GALNT13: variants seen among roughly 807,000 people sequenced by gnomAD.
The protein encoded by GALNT13 is polypeptide N-acetylgalactosaminyltransferase 13, also known as UDP-GalNAc:polypeptide N-acetylgalactosaminyltransferase 13.
In GALNT13, 28 loss-of-function variants were observed where a neutral mutation model predicts 64.2. The ratio of observed to expected loss-of-function variants is 0.44; its 90% confidence interval spans 0.32 to 0.60. GALNT13 has a LOEUF of 0.60. Ranked by LOEUF, GALNT13 falls within the 20% of genes least tolerant of loss-of-function variation. GALNT13 has a pLI of 0.05. For missense variants in GALNT13, 577 were observed against 669.8 expected, an observed-to-expected ratio of 0.86 and a Z score of 1.53; for synonymous variants, 214 against 224.6, an observed-to-expected ratio of 0.95 and a Z score of 0.42.
At chr2:154,045,589 A>C (rs1364053207) in intron 3 of GALNT13, among the ~76,000 whole-genome samples, 1 of 152,156 alleles carries the variant, frequency 6.6e-6, no homozygotes, top group East Asian at 1.9e-4. Flanking sequence ...CTCTGGACGC[A>C]AGTGTTTTTG....
At chr2:153,455,276 G>A in the GALNT13 span, among the ~76,000 whole-genome samples, 3 of 152,210 alleles carry the variant, frequency 2.0e-5, no homozygotes, top group Non-Finnish European at 2.9e-5. Context: ...AAGTATAGGA[G>A]TAAAATCCTT....
chr2:154,447,923 C>G (rs1050261372), intron 12 of GALNT13, among the ~76,000 whole-genome samples: 2 of 152,030 alleles, frequency 1.3e-5, no homozygotes, highest in South Asian at 4.1e-4. Context: ...TTTATTCTCA[C>G]AAGTCTACTG....
chr2:153,777,645 C>A, the GALNT13 span, among the ~76,000 whole-genome samples: 1 of 152,152 alleles, frequency 6.6e-6, no homozygotes, highest in Non-Finnish European at 1.5e-5. Flanking sequence ...GTACCCCTCG[C>A]AGGGTGTGCA....
the GALNT13 span, among the ~76,000 whole-genome samples, chr2:153,751,765 G>GT: frequency 1.3e-4 from 20 of 148,364 alleles, no homozygotes; most frequent in South Asian, 4.3e-4. Context: ...AATGGGTCTT[G>GT]TTTTTTTTTC....
At chr2:153,555,076 C>T in the GALNT13 span, among the ~76,000 whole-genome samples, 1 of 151,714 alleles carries the variant, frequency 6.6e-6, no homozygotes, top group Non-Finnish European at 1.5e-5. Flanking sequence ...AAAAATAATT[C>T]ATTTTATGTT....
chr2:154,094,438 G>A (rs1701976247), intron 3 of GALNT13, among the ~76,000 whole-genome samples: 1 of 151,620 alleles, frequency 6.6e-6, no homozygotes, highest in Admixed American at 6.6e-5. Flanking sequence ...TAACACAATG[G>A]GATATAAAAT....
At chr2:154,369,788 C>A (rs1697577411) in intron 9 of GALNT13, among the ~76,000 whole-genome samples, 1 of 152,142 alleles carries the variant, frequency 6.6e-6, no homozygotes, top group Non-Finnish European at 1.5e-5. Context: ...GCTGAGAAGA[C>A]CAAGATTAAG....
chr2:153,414,478 A>T, the GALNT13 span, among the ~76,000 whole-genome samples: 2 of 138,168 alleles, frequency 1.4e-5, no homozygotes, highest in African/African-American at 5.3e-5. Flanking sequence ...GGATAAAAAG[A>T]TTTTTTTTTT....
chr2:154,045,297 G>T (rs1406238610), intron 3 of GALNT13, among the ~76,000 whole-genome samples: 1 of 152,180 alleles, frequency 6.6e-6, no homozygotes, highest in East Asian at 1.9e-4. Flanking sequence ...GTGAATTGTG[G>T]TTACTGTGGT....
chr2:153,831,682 T>C, the GALNT13 span, among the ~76,000 whole-genome samples: 3 of 152,178 alleles, frequency 2.0e-5, no homozygotes, highest in African/African-American at 7.2e-5. Context: ...CTTAGCAGTG[T>C]TAACTGCGTC....
chr2:154,385,988 A>C (rs1407021805), intron 9 of GALNT13, among the ~76,000 whole-genome samples: 1 of 152,074 alleles, frequency 6.6e-6, no homozygotes, highest in Non-Finnish European at 1.5e-5. Flanking sequence ...TAGCAACAAC[A>C]TGTATGATAA....
In GALNT13 at chr2:154,161,023, A is replaced by G. The variant is rs1326406844; in HGVS notation, c.311+20518A>G. On this transcript the variant is annotated intron_variant, in intron 4 of 12. Transcript: ENST00000392825. The stretch of plus-strand genomic sequence containing the variant: ...AATTTTTCTTATCTCTATGCTTACC[A>G]CATTTATCTGTTACCGCACAGTATA... Among the ~76,000 whole-genome samples the G allele has an allele frequency of 2.6e-5, 4 of 152,154 alleles. No individual in the cohort carries two copies. In the East Asian group the frequency reaches 5.8e-4, roughly 22 times the overall value.
chr2:153,682,860 T>C, the GALNT13 span, among the ~76,000 whole-genome samples: 1 of 151,734 alleles, frequency 6.6e-6, no homozygotes, highest in South Asian at 2.1e-4. Context: ...GATTTACTTG[T>C]TTTATTTAGT....
At chr2:153,543,910 T>G in the GALNT13 span, among the ~76,000 whole-genome samples, 2 of 152,192 alleles carry the variant, frequency 1.3e-5, no homozygotes, top group Admixed American at 1.3e-4. Context: ...GAGGCGTTCA[T>G]TAGAAGTGTA....
the GALNT13 span, chr2:153,421,622 G>T: frequency 2.0e-5 from 5 of 251,248 alleles, no homozygotes; most frequent in South Asian, 3.4e-4. Context: ...TTGGTCCAAA[G>T]GCCAATGATC....
the GALNT13 span, among the ~76,000 whole-genome samples, chr2:153,715,413 C>T: frequency 6.6e-6 from 1 of 152,314 alleles, no homozygotes; most frequent in African/African-American, 2.4e-5. Flanking sequence ...CTGGCTTTGG[C>T]CCTTCCACAG....
At chr2:154,104,365 C>A (rs12693917) in intron 3 of GALNT13, among the ~76,000 whole-genome samples, 30,775 of 152,094 alleles carry the variant, frequency 0.2, 4,005 homozygotes, top group Middle Eastern at 0.32. Context: ...AGAGGTGAGC[C>A]TTGCCCTCTG....
chr2:153,839,629 A>G, the GALNT13 span, among the ~76,000 whole-genome samples: 3 of 151,900 alleles, frequency 2.0e-5, no homozygotes, highest in Non-Finnish European at 4.4e-5. Flanking sequence ...TTTTCACAAT[A>G]TTTCTGAAGT....
chr2:153,438,686 T>G, the GALNT13 span, among the ~76,000 whole-genome samples: 2 of 152,208 alleles, frequency 1.3e-5, no homozygotes, highest in Non-Finnish European at 2.9e-5. Flanking sequence ...TCAGGTCCTT[T>G]AAGGACTTCT....
Sources: gnomAD v4.1 joint callset for allele counts (sites outside exome capture counted in the v4.1 genomes callset) on GRCh38, gnomAD v4.1.1 for gene constraint, MANE v1.5 for transcripts, NCBI Gene and HGNC (gene_info 2026-07-23, HGNC 2026-07-21) for gene names.